Variants in RANBP2 observed in about 807,000 individuals in gnomAD.
The protein encoded by RANBP2 is RAN binding protein 2, also known as E3 SUMO-protein ligase RanBP2.
RANBP2 carries 57 observed loss-of-function variants against 303.6 expected under a neutral mutation model. That is an observed-to-expected ratio of 0.19 (90% CI 0.15 to 0.23). RANBP2 has a LOEUF of 0.23. Among genes scored for constraint, RANBP2 ranks in the 10% least tolerant of loss-of-function variants. RANBP2 has a pLI of 1.00. For synonymous variants in RANBP2, 1,167 were observed against 1,301.5 expected (o/e 0.90, Z 2.23); for missense variants, 3,138 against 3,780.8 (o/e 0.83, Z 4.46).
the RANBP2 span, among the ~76,000 whole-genome samples, chr2:109,327,503 T>A: frequency 1.3e-5 from 2 of 152,156 alleles, no homozygotes; most frequent in African/African-American, 4.8e-5. Context: ...AAGTACTTTG[T>A]CAAGTACTTG....
the RANBP2 span, among the ~76,000 whole-genome samples, chr2:109,443,239 G>A: frequency 6.6e-6 from 1 of 152,276 alleles, no homozygotes; most frequent in African/African-American, 2.4e-5. Context: ...GAAGGATTAA[G>A]TGGCTGACCT....
At chr2:109,602,858 T>C in the RANBP2 span, among the ~76,000 whole-genome samples, 1 of 145,424 alleles carries the variant, frequency 6.9e-6, no homozygotes, top group Non-Finnish European at 1.5e-5. Context: ...TAGATACCCA[T>C]TAAAAGGACT....
At chr2:109,371,329 G>A in the RANBP2 span, among the ~76,000 whole-genome samples, 3 of 152,260 alleles carry the variant, frequency 2.0e-5, no homozygotes, top group African/African-American at 7.2e-5. Flanking sequence ...GGCGGAGGCT[G>A]CAGTGAGCGG....
the RANBP2 span, chr2:108,856,821 C>T: frequency 3.1e-6 from 5 of 1,612,912 alleles, no homozygotes; most frequent in Non-Finnish European, 4.2e-6. Context: ...GCATTTGATT[C>T]TCTTTGTTTG....
chr2:108,959,410 C>G, the RANBP2 span, among the ~76,000 whole-genome samples: 1 of 152,230 alleles, frequency 6.6e-6, no homozygotes, highest in Non-Finnish European at 1.5e-5. Context: ...GGACGCTGGG[C>G]TGTGACTTGG....
At chr2:108,930,760 G>A in the RANBP2 span, among the ~76,000 whole-genome samples, 1 of 152,154 alleles carries the variant, frequency 6.6e-6, no homozygotes, top group Non-Finnish European at 1.5e-5. Flanking sequence ...ACCCTATGAA[G>A]GGAGCTACCA....
At chr2:109,677,468 C>T in the RANBP2 span, among the ~76,000 whole-genome samples, 1 of 152,216 alleles carries the variant, frequency 6.6e-6, no homozygotes, top group Admixed American at 6.5e-5. Context: ...AGCCCCTTCT[C>T]TTTGATCACT....
At chr2:109,649,621 C>T in the RANBP2 span, among the ~76,000 whole-genome samples, 1 of 152,136 alleles carries the variant, frequency 6.6e-6, no homozygotes, top group Admixed American at 6.5e-5. Context: ...TGGTCTCAAA[C>T]TCCTGACCTC....
the RANBP2 span, among the ~76,000 whole-genome samples, chr2:108,887,214 T>G: frequency 0.021 from 3,182 of 152,234 alleles, 113 homozygotes; most frequent in South Asian, 0.082. Flanking sequence ...TATTTCTGGT[T>G]TCTTTATTTT....
the RANBP2 span, among the ~76,000 whole-genome samples, chr2:108,985,193 A>G: frequency 2.0e-5 from 3 of 152,156 alleles, no homozygotes; most frequent in Non-Finnish European, 2.9e-5. Context: ...ATATCTAGCT[A>G]TTGAATGGTA....
chr2:109,346,036 C>T, the RANBP2 span, among the ~76,000 whole-genome samples: 47 of 152,348 alleles, frequency 3.1e-4, no homozygotes. Flanking sequence ...TGGCCTGCAG[C>T]CAACTGCCCC....
chr2:109,641,279 C>T, the RANBP2 span, among the ~76,000 whole-genome samples: 1 of 152,120 alleles, frequency 6.6e-6, no homozygotes, highest in South Asian at 2.1e-4. Flanking sequence ...GCTGGGATTA[C>T]AGGAATACAC....
the RANBP2 span, among the ~76,000 whole-genome samples, chr2:109,716,448 C>A: frequency 6.6e-6 from 1 of 152,060 alleles, no homozygotes; most frequent in South Asian, 2.1e-4. Context: ...GACCGGGTTT[C>A]ACCATCTTGG....
chr2:109,629,355 A>ATT, the RANBP2 span, among the ~76,000 whole-genome samples: 60 of 15,350 alleles, frequency 3.9e-3, no homozygotes, highest in East Asian at 9.0e-3. Context: ...ATATATATAT[A>ATT]TTTTTTTTTT....
At chr2:108,987,390 C>T in the RANBP2 span, among the ~76,000 whole-genome samples, 2 of 152,170 alleles carry the variant, frequency 1.3e-5, no homozygotes, top group Non-Finnish European at 2.9e-5. Context: ...TGTCTGCACT[C>T]CGGAGCAATG....
chr2:109,530,422 T>C, the RANBP2 span, among the ~76,000 whole-genome samples: 1 of 152,180 alleles, frequency 6.6e-6, no homozygotes, highest in Non-Finnish European at 1.5e-5. Flanking sequence ...TGAGGACGGA[T>C]TTGCAAAGTT....
At chr2:109,646,726 G>A in the RANBP2 span, among the ~76,000 whole-genome samples, 1 of 138,860 alleles carries the variant, frequency 7.2e-6, no homozygotes, top group African/African-American at 2.7e-5. Context: ...GGCTGGTCTT[G>A]AACTCCTGAC....
At chr2:109,412,284 A>G in the RANBP2 span, among the ~76,000 whole-genome samples, 2 of 152,202 alleles carry the variant, frequency 1.3e-5, no homozygotes, top group African/African-American at 4.8e-5. Flanking sequence ...TCATTGGAGT[A>G]TGGCTTGAGC....
chr2:108,825,157 A>G, the RANBP2 span, among the ~76,000 whole-genome samples: 1 of 152,280 alleles, frequency 6.6e-6, no homozygotes. Flanking sequence ...AATAGCGTAA[A>G]TAATAGGGAG....
Sources: allele counts gnomAD v4.1 joint callset (sites outside exome capture counted in the v4.1 genomes callset), GRCh38; gene constraint gnomAD v4.1.1; transcripts MANE v1.5; gene names NCBI Gene and HGNC (gene_info 2026-07-23, HGNC 2026-07-21).